MYO3B: variants seen among roughly 807,000 people sequenced by gnomAD.
MYO3B encodes the protein myosin-IIIb.
In MYO3B, 156 loss-of-function variants were observed where a neutral mutation model predicts 174.6. The observed-to-expected ratio is 0.89, with a 90% CI of 0.78 to 1.02. The LOEUF (loss-of-function observed/expected upper bound fraction) is 1.02, where lower values mean the gene tolerates loss of function less well. Among genes scored for constraint, MYO3B ranks in the 50% least tolerant of loss-of-function variants. The pLI is 0.00. For synonymous variants in MYO3B, 563 were observed against 569.1 expected (o/e 0.99, Z 0.15); for missense variants, 1,632 against 1,639.4 (o/e 1.00, Z 0.08).
At chr2:170,537,867 C>A (rs1204797620) in intron 30 of MYO3B, among the ~76,000 whole-genome samples, 1 of 152,068 alleles carries the variant, frequency 6.6e-6, no homozygotes, top group African/African-American at 2.4e-5. Flanking sequence ...AGAAATACTC[C>A]CAAATTTAGA....
chr2:170,412,504 T>C (rs922429413), intron 22 of MYO3B: 4 of 152,160 alleles, frequency 2.6e-5, no homozygotes, highest in African/African-American at 7.2e-5. Context: ...GCAGTGAAAA[T>C]CAACAATAAA....
At chr2:170,345,471 G>A (rs914564260) in intron 8 of MYO3B, among the ~76,000 whole-genome samples, 6 of 151,940 alleles carry the variant, frequency 3.9e-5, no homozygotes, top group Non-Finnish European at 5.9e-5. Flanking sequence ...TGAATGGAGG[G>A]GGAAATTTCA....
At chr2:170,457,785 C>T (rs946159543) in intron 23 of MYO3B, among the ~76,000 whole-genome samples, 3 of 152,144 alleles carry the variant, frequency 2.0e-5, no homozygotes, top group Admixed American at 6.5e-5. Context: ...GACAGAGTTT[C>T]GCTGTGTTGT....
chr2:170,485,564 C>CT (rs149517820), intron 25 of MYO3B, among the ~76,000 whole-genome samples: 4,512 of 152,258 alleles, frequency 0.03, 97 homozygotes, highest in Middle Eastern at 0.051. Flanking sequence ...TTCCATAGCT[C>CT]TAACAAAATT....
At chr2:170,337,913 G>A (rs2093955810) in intron 8 of MYO3B, 2 of 152,174 alleles carry the variant, frequency 1.3e-5, no homozygotes, top group South Asian at 4.1e-4. Context: ...CGTTGAATAG[G>A]CTGAGGGGGA....
intron 32 of MYO3B, among the ~76,000 whole-genome samples, chr2:170,604,539 G>A (rs1575233419): frequency 6.6e-6 from 1 of 152,048 alleles, no homozygotes; most frequent in Non-Finnish European, 1.5e-5. Flanking sequence ...TAAGCTAAGA[G>A]GGAAGTGAAC....
At chr2:170,637,920 G>C (rs1181637784) in intron 32 of MYO3B, among the ~76,000 whole-genome samples, 1 of 151,984 alleles carries the variant, frequency 6.6e-6, no homozygotes, top group Non-Finnish European at 1.5e-5. Context: ...CTATTTTCTT[G>C]GCTTTTTTGA....
At chr2:170,383,851 G>A (rs1362451822) in intron 12 of MYO3B, 37 bp downstream of exon 12, 2 of 1,505,064 alleles carry the variant, frequency 1.3e-6, no homozygotes, top group Non-Finnish European at 1.9e-6. Context: ...GAGTCACCCA[G>A]TTAAGACATG....
intron 7 of MYO3B, among the ~76,000 whole-genome samples, chr2:170,239,781 T>C (rs2093110392): frequency 6.6e-6 from 1 of 152,220 alleles, no homozygotes; most frequent in Non-Finnish European, 1.5e-5. Context: ...CAAAGTCACC[T>C]GGACCCAGCT....
intron 21 of MYO3B, among the ~76,000 whole-genome samples, chr2:170,406,731 T>G (rs941230581): frequency 2.0e-5 from 3 of 152,174 alleles, no homozygotes; most frequent in Non-Finnish European, 4.4e-5. Context: ...AAAACTTTTT[T>G]TATTTTTATT....
At chr2:170,432,989 C>T (rs1020002393) in intron 22 of MYO3B, among the ~76,000 whole-genome samples, 2 of 152,088 alleles carry the variant, frequency 1.3e-5, no homozygotes, top group African/African-American at 4.8e-5. Flanking sequence ...AATGTAATGT[C>T]CTAGGCCTTC....
At chr2:170,235,907 G>A (rs1227854468) in intron 6 of MYO3B, 84 bp from the exon 7 acceptor site, 16 of 1,543,126 alleles carry the variant, frequency 1.0e-5, no homozygotes, top group South Asian at 1.2e-5. Flanking sequence ...AACTGAGAAC[G>A]GGGCTAAGAT....
At chr2:170,488,079 G>T (rs747740449) in intron 25 of MYO3B, among the ~76,000 whole-genome samples, 2 of 152,180 alleles carry the variant, frequency 1.3e-5, no homozygotes, top group Non-Finnish European at 2.9e-5. Flanking sequence ...GCCTATTTTG[G>T]CAGTAACCAA....
intron 32 of MYO3B, among the ~76,000 whole-genome samples, chr2:170,561,174 A>T (rs1691686945): frequency 6.6e-6 from 1 of 152,170 alleles, no homozygotes. Context: ...TAACACTGGG[A>T]GGGCACTGGG....
intron 9 of MYO3B, among the ~76,000 whole-genome samples, chr2:170,378,875 A>T (rs2094313809): frequency 6.6e-6 from 1 of 152,180 alleles, no homozygotes; most frequent in African/African-American, 2.4e-5. Context: ...AGGAAAAAAA[A>T]GCCTGGAAAA....
At chr2:170,512,240 G>A (rs898567599) in intron 28 of MYO3B, among the ~76,000 whole-genome samples, 1 of 150,058 alleles carries the variant, frequency 6.7e-6, no homozygotes, top group Non-Finnish European at 1.5e-5. Flanking sequence ...AAAAAAAAAT[G>A]TGTCAATGAG....
At chr2:170,189,253 C>G (rs2092509842) in intron 1 of MYO3B, among the ~76,000 whole-genome samples, 1 of 151,998 alleles carries the variant, frequency 6.6e-6, no homozygotes, top group Non-Finnish European at 1.5e-5. Context: ...AGGATCTTTT[C>G]TTTATTTTTC....
rs1026536292 is a variant in MYO3B at position 170,262,039 on chromosome 2, A to C, written c.749+25903A>C. 2.0e-5 allele frequency among the ~76,000 whole-genome samples: 3 copies of C among 152,226 alleles called. No homozygotes were observed. In the South Asian group the frequency reaches 6.2e-4, roughly 31 times the overall value. On this transcript the variant is annotated intron_variant, in intron 7 of 34. Coordinates refer to ENST00000408978, the MANE Select transcript of MYO3B (RefSeq NM_138995.5). ...GAGTTCGCAGTCTGTTTGAAACTCC[A>C]TATTGTGACTAAGTGTACACATCAG...
chr2:170,518,004 TG>T (rs1688429910), intron 29 of MYO3B, among the ~76,000 whole-genome samples: 3 of 152,148 alleles, frequency 2.0e-5, no homozygotes, highest in African/African-American at 7.2e-5. Flanking sequence ...TGTGTGTGTG[TG>T]TGTGTGTGTA....
Sources: allele counts gnomAD v4.1 joint callset (sites outside exome capture counted in the v4.1 genomes callset), GRCh38; gene constraint gnomAD v4.1.1; transcripts MANE v1.5; gene names NCBI Gene and HGNC (gene_info 2026-07-23, HGNC 2026-07-21).